Variants in DPH6 observed in about 807,000 individuals in gnomAD.
The protein encoded by DPH6 is diphthine--ammonia ligase.
Under a neutral mutation model 38.2 loss-of-function variants are expected in DPH6, and 33 were observed. That is an observed-to-expected ratio of 0.86 (90% confidence interval 0.65 to 1.15). The LOEUF (loss-of-function observed/expected upper bound fraction) is 1.15. Among genes scored for constraint, DPH6 ranks in the 50% most tolerant of loss-of-function variants. The pLI is 0.00. For synonymous variants in DPH6, 108 were observed against 103.0 expected, an observed-to-expected ratio of 1.05 and a Z score of -0.30; for missense variants, 325 against 320.0, an observed-to-expected ratio of 1.02 and a Z score of -0.12.
intron 3 of DPH6, among the ~76,000 whole-genome samples, chr15:35,228,059 A>G (rs1249051100): frequency 1.3e-5 from 2 of 152,124 alleles, no homozygotes; most frequent in African/African-American, 4.8e-5. Flanking sequence ...TTTCCTTTAG[A>G]AAGATTCATG....
chr15:35,456,529 C>A (rs143313710), intron 3 of DPH6, among the ~76,000 whole-genome samples: 5,567 of 150,722 alleles, frequency 0.037, 120 homozygotes, highest in East Asian at 0.093. Context: ...GCTCTGCCAC[C>A]CAGGCTGGAG....
At chr15:35,464,744 T>A (rs1402800315) in intron 3 of DPH6, among the ~76,000 whole-genome samples, 1 of 152,188 alleles carries the variant, frequency 6.6e-6, no homozygotes, top group African/African-American at 2.4e-5. Flanking sequence ...TGTAAACCTG[T>A]CTGTAAGAGT....
intron 3 of DPH6, among the ~76,000 whole-genome samples, chr15:35,354,599 G>T (rs1282830149): frequency 6.6e-6 from 1 of 152,184 alleles, no homozygotes; most frequent in African/African-American, 2.4e-5. Flanking sequence ...ATTTGCCTAT[G>T]TTGAACTAGC....
At chr15:35,424,165 T>C (rs2053540580) in intron 5 of DPH6, among the ~76,000 whole-genome samples, 1 of 151,706 alleles carries the variant, frequency 6.6e-6, no homozygotes, top group African/African-American at 2.4e-5. Flanking sequence ...ATGAACATTT[T>C]AACATATTAA....
At chr15:35,486,907 T>C (rs1449524260) in intron 3 of DPH6, among the ~76,000 whole-genome samples, 1 of 152,060 alleles carries the variant, frequency 6.6e-6, no homozygotes, top group Admixed American at 6.6e-5. Flanking sequence ...GGTACAGGCA[T>C]TGGGTAAATG....
the DPH6 span, among the ~76,000 whole-genome samples, chr15:35,157,755 G>A: frequency 2.0e-3 from 303 of 152,204 alleles, 2 homozygotes; most frequent in Admixed American, 0.012. Context: ...GAATCTTAGT[G>A]ACCATTCCTG....
chr15:35,247,699 C>T (rs1224111129), intron 3 of DPH6, among the ~76,000 whole-genome samples: 2 of 152,166 alleles, frequency 1.3e-5, no homozygotes, highest in Admixed American at 6.5e-5. Flanking sequence ...AACATGCATA[C>T]AATTTATAAA....
At chr15:35,146,069 CTGTG>C in the DPH6 span, among the ~76,000 whole-genome samples, 58,737 of 146,774 alleles carry the variant, frequency 0.4, 11,848 homozygotes, top group Middle Eastern at 0.46. Context: ...CTTATAGTTT[CTGTG>C]TGTGTGTGTG....
intron 3 of DPH6, among the ~76,000 whole-genome samples, chr15:35,515,923 G>C (rs2054840268): frequency 6.6e-6 from 1 of 151,962 alleles, no homozygotes; most frequent in Admixed American, 6.5e-5. Context: ...TAAATTCTTG[G>C]TGATACGTCC....
chr15:35,366,033 AT>A (rs2052655425), downstream of DPH6: 1 of 981,962 alleles, frequency 1.0e-6, no homozygotes, highest in Non-Finnish European at 1.2e-6. Flanking sequence ...ATGTTGGCAA[AT>A]AAAAGTCATC....
Position 35,531,044 on chromosome 15 carries a change from C to T in DPH6, c.312+7230G>A, listed in dbSNP as rs138863657. 2.7e-3 allele frequency among the ~76,000 whole-genome samples: 416 copies of T among 152,240 alleles called. 1 individual carries two copies. The highest frequency in any genetic ancestry group is 9.4e-3 in the African/African-American group (389 of 41,538). On this transcript the variant is annotated intron_variant, in intron 3 of 8. Transcript: ENST00000256538. ...GGAGCAATTTGTACAGGGCTGTGTG[C>T]CTGTTTAACTAATGCTATGTCTGCG...
intron 3 of DPH6, among the ~76,000 whole-genome samples, chr15:35,300,362 AG>A (rs1464228992): frequency 6.6e-6 from 1 of 152,202 alleles, no homozygotes; most frequent in Non-Finnish European, 1.5e-5. Flanking sequence ...ATCATGGAGG[AG>A]GCAGCCAGAG....
intron 3 of DPH6, among the ~76,000 whole-genome samples, chr15:35,474,951 A>T (rs2054246544): frequency 6.6e-6 from 1 of 151,990 alleles, no homozygotes; most frequent in Non-Finnish European, 1.5e-5. Context: ...ATACAATCAC[A>T]TTTGGGATTA....
chr15:35,183,880 A>G, the DPH6 span, among the ~76,000 whole-genome samples: 1 of 152,350 alleles, frequency 6.6e-6, no homozygotes, highest in Non-Finnish European at 1.5e-5. Context: ...ATATATGTCA[A>G]TATTAGCAAG....
chr15:35,244,536 C>A (rs533432224), intron 3 of DPH6, among the ~76,000 whole-genome samples: 1 of 152,272 alleles, frequency 6.6e-6, no homozygotes, highest in Admixed American at 6.5e-5. Context: ...ATTTATGCAT[C>A]CATTATCACT....
chr15:35,389,255 T>C (rs563993326), intron 6 of DPH6, among the ~76,000 whole-genome samples: 6 of 152,296 alleles, frequency 3.9e-5, no homozygotes, highest in African/African-American at 1.4e-4. Context: ...AGTGCTTTAC[T>C]TCCAACTATG....
At chr15:35,228,786 C>T (rs2140390861) in intron 3 of DPH6, among the ~76,000 whole-genome samples, 1 of 152,262 alleles carries the variant, frequency 6.6e-6, no homozygotes, top group Admixed American at 6.5e-5. Flanking sequence ...CTGGAAAAGT[C>T]TTTATCTTTC....
At chr15:35,390,603 C>T (rs917604938) in intron 6 of DPH6, among the ~76,000 whole-genome samples, 2 of 152,144 alleles carry the variant, frequency 1.3e-5, no homozygotes, top group Non-Finnish European at 1.5e-5. Flanking sequence ...TGTCTTCCAT[C>T]GCTGATACCT....
chr15:35,194,391 G>C, the DPH6 span, among the ~76,000 whole-genome samples: 2 of 151,862 alleles, frequency 1.3e-5, no homozygotes, highest in Admixed American at 1.3e-4. Flanking sequence ...GAGAGAGAGA[G>C]AGAGATAGAG....
Sources: gnomAD v4.1 joint callset for allele counts (sites outside exome capture counted in the v4.1 genomes callset) on GRCh38, gnomAD v4.1.1 for gene constraint, MANE v1.5 for transcripts, NCBI Gene and HGNC (gene_info 2026-07-23, HGNC 2026-07-21) for gene names.